GLMN: variants seen among roughly 807,000 people sequenced by gnomAD.
The protein encoded by GLMN is glomulin.
Under a neutral mutation model 87.8 loss-of-function variants are expected in GLMN, and 75 were observed. That is an observed-to-expected ratio of 0.85 (90% confidence interval 0.71 to 1.04). The LOEUF (loss-of-function observed/expected upper bound fraction) is 1.04, where lower values mean the gene tolerates loss of function less well. Among genes scored for constraint, GLMN ranks in the 50% least tolerant of loss-of-function variants. The pLI, the probability that GLMN is intolerant of heterozygous loss-of-function variation, is 0.00. For missense variants in GLMN, 588 were observed against 658.8 expected, an observed-to-expected ratio of 0.89 and a Z score of 1.18; for synonymous variants, 206 against 221.6, an observed-to-expected ratio of 0.93 and a Z score of 0.63.
At chr1:92,266,347 A>T in intron 13 of GLMN, 72 bp downstream of exon 13, 1 of 834,228 alleles carries the variant, frequency 1.2e-6, no homozygotes. Flanking sequence ...CTATGCCCTA[A>T]AACAATTACA....
rs74101104 is a variant in GLMN at position 92,251,531 on chromosome 1, C to A, written c.1474-3542G>T. Among the ~76,000 whole-genome samples, 1,235 of 152,140 alleles carry A rather than the reference C, an allele frequency of 8.1e-3. 21 individuals carry two copies. The highest frequency in any genetic ancestry group is 0.029 in the African/African-American group (1,184 of 41,510). ...AAATTACCTTTGTGATCTGGGTTAA[C>A]AAAGACTTCTTAGAACCCATAAATA... is the stretch of plus-strand genomic sequence containing the variant. On this transcript the variant is annotated intron_variant, in intron 16 of 18. Coordinates refer to ENST00000370360, the MANE Select transcript of GLMN (RefSeq NM_053274.3).
chr1:92,255,091 A>T (rs1380901694), intron 16 of GLMN, among the ~76,000 whole-genome samples: 10 of 152,168 alleles, frequency 6.6e-5, no homozygotes, highest in Non-Finnish European at 1.5e-4. Context: ...AAGAAAAAAA[A>T]AAAGCAGAGG....
intron 16 of GLMN, among the ~76,000 whole-genome samples, chr1:92,252,578 C>T (rs1040770737): frequency 6.6e-6 from 1 of 152,076 alleles, no homozygotes; most frequent in Non-Finnish European, 1.5e-5. Flanking sequence ...AAATTTTTTA[C>T]ATATTCTGTT....
the GLMN span, among the ~76,000 whole-genome samples, chr1:92,329,562 C>G: frequency 6.6e-6 from 1 of 152,178 alleles, no homozygotes; most frequent in African/African-American, 2.4e-5. Flanking sequence ...AGTTCCTTGC[C>G]TTTTCTGGTA....
the GLMN span, among the ~76,000 whole-genome samples, chr1:92,344,452 T>C: frequency 6.6e-6 from 1 of 152,216 alleles, no homozygotes; most frequent in South Asian, 2.1e-4. Flanking sequence ...TTCAAAATTA[T>C]GATGAGCAAA....
the GLMN span, among the ~76,000 whole-genome samples, chr1:92,337,802 A>G: frequency 3.9e-5 from 6 of 152,114 alleles, no homozygotes; most frequent in South Asian, 2.1e-4. Flanking sequence ...TTCATCGTCA[A>G]TTCCCCAACA....
chr1:92,354,026 A>G, the GLMN span, among the ~76,000 whole-genome samples: 1,089 of 152,238 alleles, frequency 7.2e-3, 12 homozygotes, highest in African/African-American at 0.025. Context: ...ATTAAAAGTC[A>G]CCAAGGATCC....
chr1:92,289,823 C>T (rs1649193983), intron 5 of GLMN, among the ~76,000 whole-genome samples: 1 of 152,170 alleles, frequency 6.6e-6, no homozygotes, highest in East Asian at 1.9e-4. Flanking sequence ...GCCTGATACT[C>T]TTCCAGACTA....
the GLMN span, among the ~76,000 whole-genome samples, chr1:92,341,484 T>TTGAAA: frequency 2.6e-5 from 4 of 152,146 alleles, no homozygotes; most frequent in African/African-American, 7.2e-5. Flanking sequence ...TGGAAGTACT[T>TTGAAA]TGAAATGAAA....
chr1:92,343,864 T>C, the GLMN span, among the ~76,000 whole-genome samples: 1 of 152,190 alleles, frequency 6.6e-6, no homozygotes, highest in Non-Finnish European at 1.5e-5. Context: ...GTGGTCCAGA[T>C]AGGCCTTATT....
intron 16 of GLMN, among the ~76,000 whole-genome samples, chr1:92,255,215 TTAAA>T (rs1237015765): frequency 2.6e-5 from 4 of 151,992 alleles, no homozygotes; most frequent in Non-Finnish European, 4.4e-5. Context: ...GCTAACTATC[TTAAA>T]TATATATAAA....
the GLMN span, among the ~76,000 whole-genome samples, chr1:92,338,959 C>T: frequency 6.6e-6 from 1 of 152,066 alleles, no homozygotes; most frequent in South Asian, 2.1e-4. Context: ...GCAGACAACA[C>T]TTATTTAATC....
chr1:92,315,111 CA>C, the GLMN span, among the ~76,000 whole-genome samples: 422 of 135,602 alleles, frequency 3.1e-3, no homozygotes, highest in East Asian at 4.6e-3. Flanking sequence ...GTTGCAGTCT[CA>C]AAAAAAAAAA....
At chr1:92,347,961 G>A in the GLMN span, among the ~76,000 whole-genome samples, 1 of 151,872 alleles carries the variant, frequency 6.6e-6, no homozygotes, top group Non-Finnish European at 1.5e-5. Flanking sequence ...CCAGGCTGGA[G>A]TGCAATGGCA....
At chr1:92,323,586 CTT>C in the GLMN span, 1 of 1,614,050 alleles carries the variant, frequency 6.2e-7, no homozygotes, top group Non-Finnish European at 8.5e-7. Flanking sequence ...ATGAGCAAGA[CTT>C]TGTTTCCTCC....
the GLMN span, among the ~76,000 whole-genome samples, chr1:92,338,036 A>C: frequency 2.0e-5 from 3 of 152,162 alleles, no homozygotes; most frequent in South Asian, 6.2e-4. Context: ...AAATAATTGA[A>C]AGTTATTACT....
the GLMN span, among the ~76,000 whole-genome samples, chr1:92,310,456 C>T: frequency 1.3e-5 from 2 of 152,086 alleles, no homozygotes; most frequent in South Asian, 2.1e-4. Context: ...CTGAGTCAGT[C>T]TTCCTTTAGG....
At chr1:92,277,113 T>C (rs550393112) in intron 7 of GLMN, among the ~76,000 whole-genome samples, 2 of 152,290 alleles carry the variant, frequency 1.3e-5, no homozygotes, top group South Asian at 2.1e-4. Flanking sequence ...TTCTCAAATC[T>C]GCCCTTTCTT....
At chr1:92,367,351 C>T in the GLMN span, among the ~76,000 whole-genome samples, 1 of 152,126 alleles carries the variant, frequency 6.6e-6, no homozygotes, top group Non-Finnish European at 1.5e-5. Context: ...ACGGCTTTTG[C>T]GTTTGTTTGA....
Sources: allele counts gnomAD v4.1 joint callset (sites outside exome capture counted in the v4.1 genomes callset), GRCh38; gene constraint gnomAD v4.1.1; transcripts MANE v1.5; gene names NCBI Gene and HGNC (gene_info 2026-07-23, HGNC 2026-07-21).